Variants in GRIA2 observed in about 807,000 individuals in gnomAD.
GRIA2 encodes the protein glutamate ionotropic receptor AMPA type subunit 2.
GRIA2 carries 14 observed loss-of-function variants against 97.3 expected under a neutral mutation model. The observed-to-expected ratio is 0.14, with a 90% CI of 0.10 to 0.23. The LOEUF is 0.23. Among genes scored for constraint, GRIA2 ranks in the 10% least tolerant of loss-of-function variants. GRIA2 has a pLI of 1.00. For synonymous variants in GRIA2, 412 were observed against 387.8 expected, an observed-to-expected ratio of 1.06 and a Z score of -0.73; for missense variants, 558 against 1,069.8, an observed-to-expected ratio of 0.52 and a Z score of 6.67.
intron 6 of GRIA2, among the ~76,000 whole-genome samples, chr4:157,330,058 G>C (rs1267752633): frequency 6.6e-6 from 1 of 151,904 alleles, no homozygotes; most frequent in Non-Finnish European, 1.5e-5. Context: ...CTGGGAAACT[G>C]TCTACCTCAG....
At chr4:157,358,172 A>G (rs567462356) in intron 12 of GRIA2, among the ~76,000 whole-genome samples, 1 of 152,288 alleles carries the variant, frequency 6.6e-6, no homozygotes, top group South Asian at 2.1e-4. Flanking sequence ...AAATGCTATA[A>G]CTAATCTTTC....
intron 3 of GRIA2, among the ~76,000 whole-genome samples, chr4:157,311,842 G>A (rs1579353855): frequency 6.6e-6 from 1 of 151,932 alleles, no homozygotes; most frequent in East Asian, 1.9e-4. Context: ...GTCTCCAAGT[G>A]CTAAACTGAG....
rs184558457 is a variant in GRIA2, at chr4:157,287,152, A to C, written c.230-16400A>C. 1.9e-3 allele frequency among the ~76,000 whole-genome samples: 293 copies of C among 151,758 alleles called. 1 individual carries two copies. Among genetic ancestry groups the C allele is most frequent in the Non-Finnish European group, 3.5e-3 (235 of 67,744 alleles). ...ACATCTATTTTAATAATTATTTACC[A>C]GGATGATCTCATATAACTCCTAAAT... is the stretch of plus-strand genomic sequence containing the variant. On this transcript the variant is annotated intron_variant, in intron 2 of 15. Coordinates refer to ENST00000264426, the MANE Select transcript of GRIA2 (RefSeq NM_001083619.3).
chr4:157,280,206 C>T (rs1732532655), intron 2 of GRIA2, among the ~76,000 whole-genome samples: 1 of 152,058 alleles, frequency 6.6e-6, no homozygotes, highest in African/African-American at 2.4e-5. Context: ...TACAACCATA[C>T]TTATAAGTAG....
intron 6 of GRIA2, among the ~76,000 whole-genome samples, chr4:157,324,772 A>G (rs944470783): frequency 6.6e-6 from 1 of 152,172 alleles, no homozygotes; most frequent in Non-Finnish European, 1.5e-5. Context: ...GCATGCTTTC[A>G]TAATTATTTT....
chr4:157,292,959 T>C (rs139310684), intron 2 of GRIA2, among the ~76,000 whole-genome samples: 84 of 152,214 alleles, frequency 5.5e-4, no homozygotes, highest in African/African-American at 1.9e-3. Flanking sequence ...CTAAGAGCAA[T>C]GCGTACTGTC....
chr4:157,270,210 A>G (rs1014476181), intron 2 of GRIA2, among the ~76,000 whole-genome samples: 5 of 152,112 alleles, frequency 3.3e-5, no homozygotes, highest in Non-Finnish European at 7.4e-5. Context: ...AAGTGCTTCC[A>G]TTCTTCCACT....
At chr4:157,286,623 T>A (rs192116446) in intron 2 of GRIA2, among the ~76,000 whole-genome samples, 1 of 149,290 alleles carries the variant, frequency 6.7e-6, no homozygotes, top group Admixed American at 6.7e-5. Flanking sequence ...CAATAAAGTT[T>A]GTAATTTTCT....
chr4:157,291,012 G>A (rs962829764), intron 2 of GRIA2, among the ~76,000 whole-genome samples: 1 of 151,886 alleles, frequency 6.6e-6, no homozygotes, highest in Admixed American at 6.6e-5. Flanking sequence ...AGATATCTTC[G>A]AAATGATGGC....
At chr4:157,279,617 T>C (rs1732502852) in intron 2 of GRIA2, among the ~76,000 whole-genome samples, 1 of 152,130 alleles carries the variant, frequency 6.6e-6, no homozygotes, top group Admixed American at 6.6e-5. Flanking sequence ...GTGCCTCTAT[T>C]TTTTCACTAT....
At chr4:157,223,827 A>G (rs1435228149) in intron 2 of GRIA2, among the ~76,000 whole-genome samples, 1 of 152,230 alleles carries the variant, frequency 6.6e-6, no homozygotes, top group African/African-American at 2.4e-5. Flanking sequence ...AAAATAACAT[A>G]TGTCCATTGA....
intron 12 of GRIA2, among the ~76,000 whole-genome samples, chr4:157,343,916 T>C (rs564534716): frequency 1.7e-4 from 26 of 152,200 alleles, no homozygotes; most frequent in African/African-American, 6.0e-4. Context: ...ACAATAATAT[T>C]TGATAATTAG....
At position 157,308,567 on chromosome 4, in the gene GRIA2, A is replaced by T. The variant is rs867963163; in HGVS notation, c.470-4112A>T. Among the ~76,000 whole-genome samples the T allele has an allele frequency of 1.2e-4, 18 of 152,322 alleles. 1 individual carries two copies. The Middle Eastern group carries it at 0.037, about 317-fold the overall frequency. The stretch of plus-strand genomic sequence containing the variant: ...AGTTTTGTTTTAAGTAATTCAATAA[A>T]AATAAGTGAGTCTCTGCTATAGAAA... On this transcript the variant is annotated intron_variant, in intron 3 of 15. Coordinates refer to ENST00000264426, the MANE Select transcript of GRIA2 (RefSeq NM_001083619.3).
chr4:157,295,074 C>T (rs1282305416), intron 2 of GRIA2, among the ~76,000 whole-genome samples: 1 of 152,110 alleles, frequency 6.6e-6, no homozygotes, highest in Non-Finnish European at 1.5e-5. Flanking sequence ...CCTATTACTG[C>T]TGGTTCTACA....
At chr4:157,240,978 C>G (rs376709765) in intron 2 of GRIA2, among the ~76,000 whole-genome samples, 2 of 149,436 alleles carry the variant, frequency 1.3e-5, no homozygotes, top group Admixed American at 1.3e-4. Flanking sequence ...TTTGTTCTTG[C>G]GATAGTTTAC....
chr4:157,302,887 A>G (rs1733676770), intron 2 of GRIA2, among the ~76,000 whole-genome samples: 1 of 152,178 alleles, frequency 6.6e-6, no homozygotes, highest in Admixed American at 6.6e-5. Flanking sequence ...ATACAATACT[A>G]TATTATTATT....
chr4:157,343,905 T>C (rs1283455719), intron 12 of GRIA2, among the ~76,000 whole-genome samples: 3 of 152,098 alleles, frequency 2.0e-5, no homozygotes, highest in Non-Finnish European at 4.4e-5. Flanking sequence ...CTAACTGTAT[T>C]ACAATAATAT....
rs1736783683 is a variant in GRIA2 at position 157,364,371 on chromosome 4, G to A, written c.*940G>A. 6.6e-6 allele frequency: 1 copy of A among 152,256 alleles called. No individual in the cohort carries two copies. The highest frequency in any genetic ancestry group is 2.1e-4 in the South Asian group (1 of 4,822). 9.4% of individuals were successfully genotyped at this position (152,256 alleles called of 1,614,324 possible). A position where few individuals can be genotyped will look rare whatever the true frequency, so the allele number is the denominator to read the frequency against. On this transcript the variant is annotated 3_prime_UTR_variant, in exon 16 of 16. Coordinates refer to ENST00000264426, the MANE Select transcript of GRIA2 (RefSeq NM_001083619.3). ...TAAAGACACTACCAAGTTGTTAGGT[G>A]CCCAGAGAAAATTTCTCCCTTTTAA...
At chr4:157,290,850 G>A (rs1733065770) in intron 2 of GRIA2, among the ~76,000 whole-genome samples, 1 of 151,580 alleles carries the variant, frequency 6.6e-6, no homozygotes, top group South Asian at 2.1e-4. Context: ...ACCAACCTGG[G>A]TAGTTCACAA....
Sources: gnomAD v4.1 joint callset for allele counts (sites outside exome capture counted in the v4.1 genomes callset) on GRCh38, gnomAD v4.1.1 for gene constraint, MANE v1.5 for transcripts, NCBI Gene and HGNC (gene_info 2026-07-23, HGNC 2026-07-21) for gene names.